The following PARVA variants were observed in gnomAD, a reference collection of about 807,000 sequenced individuals.
PARVA encodes the protein alpha-parvin.
In PARVA, 25 loss-of-function variants were observed where a neutral mutation model predicts 52.6. The ratio of observed to expected loss-of-function variants is 0.48; its 90% CI spans 0.35 to 0.66. The LOEUF is 0.66. Ranked by LOEUF, PARVA falls within the 30% of genes least tolerant of loss-of-function variation. The probability of loss-of-function intolerance (pLI) is 0.01; values close to 1 mark genes in which losing one functional copy is unlikely to be tolerated. For synonymous variants in PARVA, 185 were observed against 179.1 expected (o/e 1.03, Z -0.26); for missense variants, 373 against 450.9 (o/e 0.83, Z 1.56).
At chr11:12,429,442 G>T (rs182950703) in intron 1 of PARVA, among the ~76,000 whole-genome samples, 1 of 152,088 alleles carries the variant, frequency 6.6e-6, no homozygotes, top group Non-Finnish European at 1.5e-5. Context: ...GCATATATAA[G>T]TTAATTATAA....
intron 1 of PARVA, among the ~76,000 whole-genome samples, chr11:12,379,074 A>G (rs1286125035): frequency 3.3e-5 from 5 of 152,192 alleles, no homozygotes; most frequent in East Asian, 1.9e-4. Flanking sequence ...TTTAGACCAT[A>G]TAGGGTAACT....
At chr11:12,513,698 AT>A in intron 9 of PARVA, 1 of 582,376 alleles carries the variant, frequency 1.7e-6, no homozygotes, top group Middle Eastern at 2.7e-4. Flanking sequence ...CAGTGGAATC[AT>A]TTTATTTCAG....
rs72862240 is a variant in PARVA, at chr11:12,451,657, T to G, written c.137-22088T>G. Among the ~76,000 whole-genome samples the G allele has an allele frequency of 8.2e-3, 1,248 of 152,352 alleles. 9 individuals are homozygous for G. Among genetic ancestry groups the G allele is most frequent in the Non-Finnish European group, 0.011 (764 of 68,032 alleles). On this transcript the variant is annotated intron_variant, in intron 1 of 12. Coordinates refer to ENST00000334956, the MANE Select transcript of PARVA (RefSeq NM_018222.5). ...AAAACCTTTTAGTTCAGTCCTACAGTGCTATTTCTAGATTTCTCTTTTACA... is the reference window on the plus strand; with the variant it reads ...AAAACCTTTTAGTTCAGTCCTACAGGGCTATTTCTAGATTTCTCTTTTACA...
At chr11:12,497,020 C>G (rs1309407312) in intron 5 of PARVA, among the ~76,000 whole-genome samples, 1 of 152,082 alleles carries the variant, frequency 6.6e-6, no homozygotes, top group Admixed American at 6.6e-5. Context: ...TTCCAAAGCC[C>G]GCGCCCTTCC....
intron 1 of PARVA, among the ~76,000 whole-genome samples, chr11:12,469,260 G>A (rs1940897860): frequency 1.3e-5 from 2 of 152,132 alleles, no homozygotes; most frequent in South Asian, 2.1e-4. Context: ...TGGCCTCAGA[G>A]TCAGACCACA....
chr11:12,429,380 C>T (rs1249104666), intron 1 of PARVA, among the ~76,000 whole-genome samples: 6 of 152,116 alleles, frequency 3.9e-5, no homozygotes, highest in Non-Finnish European at 4.4e-5. Flanking sequence ...ATAAGTTGCA[C>T]GTTGGTAAAT....
Position 12,532,759 on chromosome 11 carries a change from C to T in PARVA, c.*4834C>T, listed in dbSNP as rs182581569. ...AAGCCTGCCACTCCAGGGCGCACCA[C>T]GGAGGAGGATCCCCAGACAAGAAGA... On this transcript the variant is annotated 3_prime_UTR_variant, in exon 13 of 13. Coordinates refer to ENST00000334956, the MANE Select transcript of PARVA (RefSeq NM_018222.5). Among the ~76,000 whole-genome samples, 2 of 152,280 alleles carry T rather than the reference C, an allele frequency of 1.3e-5. No homozygotes were observed. The highest frequency in any genetic ancestry group is 1.3e-4 in the Admixed American group (2 of 15,300).
intron 4 of PARVA, among the ~76,000 whole-genome samples, chr11:12,490,633 G>T (rs1280293016): frequency 6.6e-6 from 1 of 151,844 alleles, no homozygotes; most frequent in Non-Finnish European, 1.5e-5. Flanking sequence ...AAATAGGAAG[G>T]AAAATGAACC....
chr11:12,398,545 G>C (rs955246792), intron 1 of PARVA, among the ~76,000 whole-genome samples: 14 of 149,026 alleles, frequency 9.4e-5, no homozygotes, highest in African/African-American at 3.2e-4. Flanking sequence ...TTTATAAGGG[G>C]TTCACAGTCT....
intron 1 of PARVA, among the ~76,000 whole-genome samples, chr11:12,451,252 C>T (rs1175383230): frequency 6.6e-6 from 1 of 152,188 alleles, no homozygotes; most frequent in Non-Finnish European, 1.5e-5. Flanking sequence ...TCTGGTTTCT[C>T]CTGGGGCTTG....
At chr11:12,378,469 G>A (rs1184986998) in intron 1 of PARVA, among the ~76,000 whole-genome samples, 2 of 152,090 alleles carry the variant, frequency 1.3e-5, no homozygotes, top group African/African-American at 2.4e-5. Context: ...GAAAACCTGC[G>A]TGAGACACAA....
intron 1 of PARVA, 94 bp downstream of exon 1, chr11:12,377,877 CGCGGGTGCCCGGCGCGGTGGGGCGCGCG>C: frequency 1.2e-6 from 1 of 853,964 alleles, no homozygotes; most frequent in Non-Finnish European, 1.5e-6. Context: ...GGGAGCGCGC[CGCGGGTGCCCGGCGCGGTGGGGCGCGCG>C]GCGATGCGTG....
rs374386528 is a variant in PARVA, at chr11:12,504,310, T to A, written c.542-4T>A. 16 of 1,565,546 alleles carry A rather than the reference T, an allele frequency of 1.0e-5. No homozygotes were observed. In the African/African-American group the frequency reaches 1.9e-4, roughly 19 times the overall value. ...TGTAATTTTTCAATCTTCTTTCATTTCAGCTGTTCATGCCAAGAGCCTGGT... is the reference window on the plus strand; with the variant it reads ...TGTAATTTTTCAATCTTCTTTCATTACAGCTGTTCATGCCAAGAGCCTGGT... On this transcript the variant is annotated splice_polypyrimidine_tract_variant and splice_region_variant and intron_variant, in intron 5 of 12. Transcript: ENST00000334956.
intron 6 of PARVA, among the ~76,000 whole-genome samples, chr11:12,504,875 T>A (rs933613802): frequency 7.9e-5 from 12 of 151,932 alleles, no homozygotes; most frequent in Non-Finnish European, 1.6e-4. Flanking sequence ...TACTTAGGTA[T>A]GGGGAGAACG....
intron 1 of PARVA, among the ~76,000 whole-genome samples, chr11:12,404,184 A>G (rs1337090225): frequency 2.0e-5 from 3 of 151,056 alleles, no homozygotes; most frequent in African/African-American, 4.9e-5. Flanking sequence ...TGTGTAGTCT[A>G]TTTATTCATT....
Position 12,523,705 on chromosome 11 carries a change from TCAGA to T in PARVA, c.1043-4140_1043-4137del, listed in dbSNP as rs369002504. 4.0e-3 allele frequency among the ~76,000 whole-genome samples: 611 copies of T among 152,332 alleles called. 4 individuals are homozygous for T. The highest frequency in any genetic ancestry group is 0.014 in the African/African-American group (577 of 41,578). ...CCACCTCTTCCTTGGCCCCAGGCTG[TCAGA>T]CAGCCTCTGTTCTGGTGTATCTGAC... On this transcript the variant is annotated intron_variant, in intron 12 of 12. Transcript: ENST00000334956.
intron 1 of PARVA, among the ~76,000 whole-genome samples, chr11:12,409,503 G>A (rs1347303510): frequency 6.6e-6 from 1 of 152,200 alleles, no homozygotes; most frequent in Non-Finnish European, 1.5e-5. Context: ...TGCACCGAAT[G>A]TGATCACAAG....
intron 1 of PARVA, among the ~76,000 whole-genome samples, chr11:12,461,632 G>A (rs1000394847): frequency 6.6e-6 from 1 of 152,162 alleles, no homozygotes; most frequent in Non-Finnish European, 1.5e-5. Flanking sequence ...CCATCCAATG[G>A]TGCTTCCATC....
At chr11:12,479,549 C>T (rs1367051832) in intron 4 of PARVA, 1 of 152,154 alleles carries the variant, frequency 6.6e-6, no homozygotes, top group African/African-American at 2.4e-5. Flanking sequence ...AGCAACCCGC[C>T]TCAGCCTCCC....
Sources: allele counts gnomAD v4.1 joint callset (sites outside exome capture counted in the v4.1 genomes callset), GRCh38; gene constraint gnomAD v4.1.1; transcripts MANE v1.5; gene names NCBI Gene and HGNC (gene_info 2026-07-23, HGNC 2026-07-21).